Variants in ARFGEF2 observed in about 807,000 individuals in gnomAD.
The protein encoded by ARFGEF2 is ARF guanine nucleotide exchange factor 2, also known as brefeldin A-inhibited guanine nucleotide-exchange protein 2.
Under a neutral mutation model 219.9 loss-of-function variants are expected in ARFGEF2, and 74 were observed. That is an observed-to-expected ratio of 0.34 (90% CI 0.28 to 0.41). The LOEUF is 0.41. Among genes scored for constraint, ARFGEF2 ranks in the 10% least tolerant of loss-of-function variants. The pLI is 1.00. For synonymous variants in ARFGEF2, 733 were observed against 799.2 expected, an observed-to-expected ratio of 0.92 and a Z score of 1.40; for missense variants, 1,743 against 2,218.3, an observed-to-expected ratio of 0.79 and a Z score of 4.30.
chr20:48,950,991 G>T (rs938396127), intron 3 of ARFGEF2, among the ~76,000 whole-genome samples: 2 of 151,104 alleles, frequency 1.3e-5, no homozygotes, highest in Non-Finnish European at 2.9e-5. Flanking sequence ...GTCTCCCTAC[G>T]CCGCCCCCCT....
intron 22 of ARFGEF2, 139 bp downstream of exon 22, chr20:48,994,737 A>T: frequency 7.7e-7 from 1 of 1,295,040 alleles, no homozygotes; most frequent in Non-Finnish European, 1.1e-6. Context: ...ATGCAAGTGG[A>T]CGTGCTGCTT....
chr20:48,971,264 C>A lies in ARFGEF2; in HGVS notation c.1335C>A (p.Val445=). The stretch of plus-strand genomic sequence containing the variant: ...GTGTGGCCTTGTCCAAAAACGGCGT[C>A]TCTTCAGTGCCTGATGTCTTTGAGC... The part of the protein sequence containing the change: ...YLCVALSKNG[V]SSVPDVFELS... Residue 445 remains valine, a synonymous_variant, in exon 10 of 39, where the codon GTC becomes GTA. Transcript: ENST00000371917. 6.2e-7 allele frequency: 1 copy of A among 1,614,208 alleles called. No individual in the cohort carries two copies. The highest frequency in any genetic ancestry group is 8.5e-7 in the Non-Finnish European group (1 of 1,180,046).
intron 34 of ARFGEF2, among the ~76,000 whole-genome samples, chr20:49,022,435 A>ACAACAACAACAACAACAACAAC (rs200385314): frequency 9.4e-6 from 1 of 105,830 alleles, no homozygotes; most frequent in African/African-American, 3.2e-5. Flanking sequence ...ACAACAAAAA[A>ACAACAACAACAACAACAACAAC]AAAAAACCCA....
At position 49,005,215 on chromosome 20, in the gene ARFGEF2, A is replaced by T. The variant is rs1363292551; in HGVS notation, c.3578A>T (p.Lys1193Ile). The change falls in exon 26 of 39, where the codon AAA (lysine) becomes ATA (isoleucine). Residue 1193 changes from lysine to isoleucine, a missense_variant. By Grantham distance (102) the Lys-to-Ile change is moderately radical. This residue lies in a region of ARFGEF2 where 102 missense variants were observed against 146.8 expected (regional missense o/e 0.69). Transcript: ENST00000371917. ...AGGCCCTTTGAGCATATTATGAAGA[A>T]AAACAGGTATGTGTTTTGCTCTGGA... ...FLRPFEHIMK[K>I]NRSPTIRDMA... is the part of the protein sequence containing the mutation. 1.9e-6 allele frequency: 3 copies of T among 1,614,088 alleles called. No homozygotes were observed. Among genetic ancestry groups the T allele is most frequent in the Non-Finnish European group, 2.5e-6 (3 of 1,180,046 alleles).
At chr20:48,969,009 G>A (rs750349641) in intron 8 of ARFGEF2, 138 bp from the exon 9 acceptor site, 8 of 773,150 alleles carry the variant, frequency 1.0e-5, no homozygotes, top group Non-Finnish European at 1.8e-5. Context: ...TCCCCAGATT[G>A]GAGTGCAATG....
At chr20:49,030,238 A>C (rs567086711) in intron 37 of ARFGEF2, among the ~76,000 whole-genome samples, 1 of 152,244 alleles carries the variant, frequency 6.6e-6, no homozygotes, top group Admixed American at 6.5e-5. Context: ...AATTTTACTT[A>C]ATGTGGGAAC....
chr20:48,991,981 T>C (rs931027468), intron 21 of ARFGEF2, among the ~76,000 whole-genome samples: 7 of 152,138 alleles, frequency 4.6e-5, no homozygotes, highest in Admixed American at 4.6e-4. Context: ...GAGAAGCATG[T>C]TAGATATGAG....
chr20:48,971,044 C>T, intron 9 of ARFGEF2, 76 bp from the exon 10 acceptor site: 1 of 1,202,632 alleles, frequency 8.3e-7, no homozygotes, highest in Non-Finnish European at 1.2e-6. Context: ...GGTAAAGGAG[C>T]AAGGCCTTCT....
chr20:48,984,656 T>G, intron 14 of ARFGEF2, 73 bp from the exon 15 acceptor site: 1 of 1,562,046 alleles, frequency 6.4e-7, no homozygotes, highest in Non-Finnish European at 8.8e-7. Flanking sequence ...TTATTATTTA[T>G]CTCAAATACC....
intron 14 of ARFGEF2, among the ~76,000 whole-genome samples, chr20:48,978,057 C>T (rs944226950): frequency 2.0e-5 from 3 of 152,210 alleles, no homozygotes; most frequent in African/African-American, 7.2e-5. Context: ...TTGCCCACGC[C>T]TAGTTCCTGA....
chr20:48,977,112 T>C (rs1305125138), intron 14 of ARFGEF2, among the ~76,000 whole-genome samples: 2 of 152,126 alleles, frequency 1.3e-5, no homozygotes, highest in African/African-American at 2.4e-5. Flanking sequence ...TTACTCCTAA[T>C]GCTATCCCTC....
At chr20:49,015,068 C>T (rs543743661) in intron 30 of ARFGEF2, among the ~76,000 whole-genome samples, 4 of 152,192 alleles carry the variant, frequency 2.6e-5, no homozygotes, top group South Asian at 2.1e-4. Flanking sequence ...AGTATTTTTT[C>T]GTAGCCATAA....
intron 1 of ARFGEF2, among the ~76,000 whole-genome samples, chr20:48,928,319 C>G (rs1444503029): frequency 6.9e-6 from 1 of 144,822 alleles, no homozygotes; most frequent in Non-Finnish European, 1.5e-5. Context: ...CTGCCTCAGC[C>G]TCCCGAGTAG....
chr20:48,962,884 G>A (rs1340129417), intron 6 of ARFGEF2, among the ~76,000 whole-genome samples: 1 of 152,058 alleles, frequency 6.6e-6, no homozygotes, highest in Non-Finnish European at 1.5e-5. Context: ...TTAAGGTGAT[G>A]GCTTTTTTGG....
At chr20:49,019,651 A>G (rs571630625) in intron 34 of ARFGEF2, among the ~76,000 whole-genome samples, 24 of 152,338 alleles carry the variant, frequency 1.6e-4, no homozygotes, top group South Asian at 2.1e-4. Flanking sequence ...CCACATTGCT[A>G]TCTATTACAT....
chr20:48,942,450 G>A (rs2090998662), intron 3 of ARFGEF2, among the ~76,000 whole-genome samples: 1 of 149,174 alleles, frequency 6.7e-6, no homozygotes, highest in Non-Finnish European at 1.5e-5. Context: ...ACACCTCCTG[G>A]CTCAGCCTTT....
chr20:49,010,131 A>G (rs947925396), intron 26 of ARFGEF2, 101 bp from the exon 27 acceptor site: 69 of 1,425,110 alleles, frequency 4.8e-5, no homozygotes, highest in South Asian at 1.4e-4. Flanking sequence ...GCTGTGTGCT[A>G]TAAGAAATGT....
intron 8 of ARFGEF2, among the ~76,000 whole-genome samples, chr20:48,968,608 C>T (rs2123407678): frequency 6.6e-6 from 1 of 152,158 alleles, no homozygotes; most frequent in East Asian, 1.9e-4. Context: ...CTGATCTGCC[C>T]ACCTTGGCCT....
chr20:48,961,116 CTTTA>C (rs1215147376), intron 6 of ARFGEF2, among the ~76,000 whole-genome samples: 2 of 115,846 alleles, frequency 1.7e-5, no homozygotes, highest in African/African-American at 5.5e-5. Context: ...TAATAATTTT[CTTTA>C]TTCAATAATA....
Sources: allele counts gnomAD v4.1 joint callset (sites outside exome capture counted in the v4.1 genomes callset), GRCh38; gene constraint gnomAD v4.1.1; regional missense constraint gnomAD v4.1.1; transcripts MANE v1.5; gene names NCBI Gene and HGNC (gene_info 2026-07-23, HGNC 2026-07-21).